The following CSTF1 variants were observed in gnomAD, a reference collection of about 807,000 sequenced individuals.
CSTF1 encodes the protein CF-1 50 kDa subunit.
CSTF1 carries 2 observed loss-of-function variants against 40.9 expected under a neutral mutation model. That is an observed-to-expected ratio of 0.05 (90% CI 0.02 to 0.15). CSTF1 has a LOEUF of 0.15. CSTF1 is among the 10% of genes least tolerant of loss of function. The probability of loss-of-function intolerance (pLI) is 1.00; values close to 1 mark genes in which losing one functional copy is unlikely to be tolerated. For missense variants in CSTF1, 279 were observed against 558.9 expected (o/e 0.50, Z 5.05); for synonymous variants, 218 against 207.2 (o/e 1.05, Z -0.45).
intron 5 of CSTF1, among the ~76,000 whole-genome samples, chr20:56,402,722 G>A (rs192761187): frequency 6.6e-6 from 1 of 152,224 alleles, no homozygotes; most frequent in Admixed American, 6.5e-5. Flanking sequence ...GGATCACAAG[G>A]TCAGGAGATA....
At chr20:56,402,186 A>G (rs1171312290) in intron 5 of CSTF1, among the ~76,000 whole-genome samples, 2 of 152,114 alleles carry the variant, frequency 1.3e-5, no homozygotes, top group Non-Finnish European at 2.9e-5. Flanking sequence ...ACATGCCTGT[A>G]ATCCCAGCTA....
At position 56,397,273 on chromosome 20, in the gene CSTF1, C is replaced by G; in HGVS notation, c.236C>G (p.Thr79Arg). Reference sequence around the variant, plus strand: ...CGTTCAGATACTGTTGCCCCTGGCACAGGGATTGACCTGGAATTTGATGCA... The same window carrying G: ...CGTTCAGATACTGTTGCCCCTGGCAGAGGGATTGACCTGGAATTTGATGCA... ...IGRSDTVAPG[T>R]GIDLEFDADV... is the part of the protein sequence containing the mutation. Residue 79 changes from threonine to arginine, a missense_variant, in exon 3 of 6, where the codon ACA becomes AGA. This residue lies in a region of CSTF1 where 66 missense variants were observed against 148.0 expected (regional missense o/e 0.45). Coordinates refer to ENST00000217109, the MANE Select transcript of CSTF1 (RefSeq NM_001324.3). This position sits in a 1 kb window ranked among gnomAD's most constrained non-coding sequence, Gnocchi z 4.4. 6.2e-7 allele frequency: 1 copy of G among 1,614,232 alleles called. No homozygotes were observed. Among genetic ancestry groups the G allele is most frequent in the Non-Finnish European group, 8.5e-7 (1 of 1,180,032 alleles).
intron 5 of CSTF1, among the ~76,000 whole-genome samples, chr20:56,400,214 G>A (rs1055349122): frequency 6.6e-6 from 1 of 152,166 alleles, no homozygotes; most frequent in Admixed American, 6.5e-5. Context: ...GACCCACTAG[G>A]GGGCAGCATA....
intron 1 of CSTF1, among the ~76,000 whole-genome samples, chr20:56,394,812 G>A (rs1243604479): frequency 2.0e-5 from 3 of 151,850 alleles, no homozygotes; most frequent in African/African-American, 7.3e-5. Flanking sequence ...ACACTTGTAA[G>A]TCAGTGCATG....
Position 56,397,515 on chromosome 20 carries a change from G to A in CSTF1, c.447+31G>A, listed in dbSNP as rs1404173477. ...AATTCCAGTCACATACTTATTGATT[G>A]CCTTCTGTTTTTCATTTTTGGAAAA... On this transcript the variant is annotated intron_variant, in intron 3 of 5. Transcript: ENST00000217109. The surrounding 1 kb of genome is among the most constrained non-coding windows in gnomAD (Gnocchi z 4.4). 2.5e-6 allele frequency: 4 copies of A among 1,605,304 alleles called. No homozygotes were observed. In the African/African-American group the frequency reaches 5.4e-5, roughly 22 times the overall value.
chr20:56,393,143 C>A (rs1011121875), intron 1 of CSTF1, among the ~76,000 whole-genome samples: 1 of 126,440 alleles, frequency 7.9e-6, no homozygotes, highest in Non-Finnish European at 1.7e-5. Flanking sequence ...CACACACACA[C>A]ACATATACAT....
rs2426620 is a variant in CSTF1 at position 56,399,937 on chromosome 20, C to T, written c.1036+580C>T. ...TGTGGAGTCTTTTTATAATGAAATC[C>T]ATTTAAATTTATCCTATCACTAGTA... On this transcript the variant is annotated intron_variant, in intron 5 of 5. Transcript: ENST00000217109. The surrounding 1 kb of genome is among the most constrained non-coding windows in gnomAD (Gnocchi z 4.6). 0.97 allele frequency among the ~76,000 whole-genome samples: 148,181 copies of T among 152,302 alleles called. 72,133 individuals carry two copies. The highest frequency in any genetic ancestry group is 0.99 in the Non-Finnish European group (67,454 of 68,034).
upstream of CSTF1, chr20:56,392,614 G>A (rs1987285520): frequency 1.3e-5 from 2 of 152,416 alleles, no homozygotes; most frequent in South Asian, 4.1e-4. Flanking sequence ...CGCCCTTTCA[G>A]CGTGCGCAGT....
chr20:56,396,886 A>C, intron 2 of CSTF1: 1 of 229,654 alleles, frequency 4.4e-6, no homozygotes, highest in South Asian at 1.3e-4. Context: ...AAAAAAATGG[A>C]TAATTTAACT....
intron 2 of CSTF1, among the ~76,000 whole-genome samples, chr20:56,396,492 A>T (rs989882516): frequency 2.0e-5 from 3 of 152,236 alleles, no homozygotes; most frequent in African/African-American, 7.2e-5. Context: ...GTTCTGCTTG[A>T]TTAAGTGAAC....
Position 56,403,457 on chromosome 20 carries a change from C to G in CSTF1, c.1037-11C>G, listed in dbSNP as rs563806478. ...GACTTAGAAAGCTATCCCTCTTGCT[C>G]TCTGTGGCAGGCGCGGGTTTAAGTG... On this transcript the variant is annotated splice_polypyrimidine_tract_variant and intron_variant, in intron 5 of 5. Coordinates refer to ENST00000217109, the MANE Select transcript of CSTF1 (RefSeq NM_001324.3). The G allele has an allele frequency of 1.2e-4, 200 of 1,613,856 alleles. 4 individuals are homozygous for G. The South Asian group carries it at 1.8e-3, about 14-fold the overall frequency.
chr20:56,398,210 G>A (rs888001679), intron 4 of CSTF1, among the ~76,000 whole-genome samples: 4 of 152,136 alleles, frequency 2.6e-5, no homozygotes, highest in Non-Finnish European at 5.9e-5. Context: ...GGTGACATTC[G>A]GTACCCTATT....
chr20:56,403,042 A>G (rs1002903253), intron 5 of CSTF1, among the ~76,000 whole-genome samples: 1 of 144,384 alleles, frequency 6.9e-6, no homozygotes, highest in East Asian at 1.9e-4. Context: ...TGTACTCAGC[A>G]TAAAGTTGGT....
rs1004621013 is a variant in CSTF1, at chr20:56,397,873, T to C, written c.645+32T>C. 35 of 1,512,570 alleles carry C rather than the reference T, an allele frequency of 2.3e-5. No individual in the cohort carries two copies. Among genetic ancestry groups the C allele is most frequent in the Admixed American group, 1.2e-4 (7 of 57,870 alleles). 93.7% of individuals were successfully genotyped at this position (1,512,570 alleles called of 1,614,324 possible). A position where few individuals can be genotyped will look rare whatever the true frequency, so the allele number is the denominator to read the frequency against. ...ATCTTTAGAAAGGAGCTTTACATTT[T>C]TTCTTAAATACAATGAGCTATTGTA... On this transcript the variant is annotated intron_variant, in intron 4 of 5. Coordinates refer to ENST00000217109, the MANE Select transcript of CSTF1 (RefSeq NM_001324.3). This position sits in a 1 kb window ranked among gnomAD's most constrained non-coding sequence, Gnocchi z 4.4.
chr20:56,397,613 G>T lies in CSTF1; in HGVS notation c.448-31G>T, dbSNP rs767275109. ...GTGCACTTGGATTCAGACACATTCT[G>T]TGCCTTGAGCATCTCTTCTTGTTGG... On this transcript the variant is annotated intron_variant, in intron 3 of 5. Transcript: ENST00000217109. This position sits in a 1 kb window ranked among gnomAD's most constrained non-coding sequence, Gnocchi z 4.4. The T allele has an allele frequency of 1.4e-5, 23 of 1,608,932 alleles. No individual in the cohort carries two copies. Among genetic ancestry groups the T allele is most frequent in the Non-Finnish European group, 1.9e-5 (22 of 1,175,474 alleles).
rs544099784 is a variant in CSTF1, at chr20:56,397,615, G to A, written c.448-29G>A. 1 of 1,609,692 alleles carries A rather than the reference G, an allele frequency of 6.2e-7. No homozygotes were observed. On this transcript the variant is annotated intron_variant, in intron 3 of 5. Coordinates refer to ENST00000217109, the MANE Select transcript of CSTF1 (RefSeq NM_001324.3). This position sits in a 1 kb window ranked among gnomAD's most constrained non-coding sequence, Gnocchi z 4.4. ...GCACTTGGATTCAGACACATTCTGT[G>A]CCTTGAGCATCTCTTCTTGTTGGTC...
intron 4 of CSTF1, among the ~76,000 whole-genome samples, chr20:56,398,266 G>C (rs953568412): frequency 6.6e-6 from 1 of 152,192 alleles, no homozygotes; most frequent in Non-Finnish European, 1.5e-5. Context: ...TGTGGCTTCT[G>C]TCTGTTTGAT....
At chr20:56,402,043 A>T (rs1342595049) in intron 5 of CSTF1, among the ~76,000 whole-genome samples, 1 of 152,240 alleles carries the variant, frequency 6.6e-6, no homozygotes, top group Non-Finnish European at 1.5e-5. Context: ...ACTGTGGCTC[A>T]CACCTATTAT....
chr20:56,397,626 CTCT>C lies in CSTF1; in HGVS notation c.448-13_448-11del, dbSNP rs1191050688. 5.6e-6 allele frequency: 9 copies of C among 1,613,062 alleles called. No homozygotes were observed. Among genetic ancestry groups the C allele is most frequent in the East Asian group, 2.2e-5 (1 of 44,876 alleles). On this transcript the variant is annotated splice_polypyrimidine_tract_variant and intron_variant, in intron 3 of 5. Coordinates refer to ENST00000217109, the MANE Select transcript of CSTF1 (RefSeq NM_001324.3). This position sits in a 1 kb window ranked among gnomAD's most constrained non-coding sequence, Gnocchi z 4.4. ...CAGACACATTCTGTGCCTTGAGCAT[CTCT>C]TCTTGTTGGTCTAGGTCATGATGAA...
Sources: gnomAD v4.1 joint callset for allele counts (sites outside exome capture counted in the v4.1 genomes callset) on GRCh38, gnomAD v4.1.1 for gene constraint, gnomAD v4.1.1 regional missense constraint, Gnocchi (gnomAD v3.1) non-coding constraint, MANE v1.5 for transcripts, NCBI Gene and HGNC (gene_info 2026-07-23, HGNC 2026-07-21) for gene names.